SOBP: variants seen among roughly 807,000 people sequenced by gnomAD.
The protein encoded by SOBP is sine oculis-binding protein homolog.
Under a neutral mutation model 53.6 loss-of-function variants are expected in SOBP, and 4 were observed. That is an observed-to-expected ratio of 0.07 (90% CI 0.04 to 0.17). SOBP has a LOEUF of 0.17. SOBP is among the 10% of genes least tolerant of loss of function. The pLI, the probability that SOBP is intolerant of heterozygous loss-of-function variation, is 1.00. For missense variants in SOBP, 1,088 were observed against 1,204.7 expected (o/e 0.90, Z 1.43); for synonymous variants, 584 against 522.6 (o/e 1.12, Z -1.60).
At chr6:107,565,020 A>G (rs1322917707) in intron 4 of SOBP, among the ~76,000 whole-genome samples, 3 of 152,256 alleles carry the variant, frequency 2.0e-5, no homozygotes, top group Admixed American at 6.5e-5. Context: ...AGAGATGGCT[A>G]TTGAGAGCTG....
chr6:107,503,996 C>T (rs1782913269), intron 2 of SOBP, among the ~76,000 whole-genome samples: 2 of 152,212 alleles, frequency 1.3e-5, no homozygotes, highest in African/African-American at 4.8e-5. Context: ...AAAATAGACA[C>T]AGCTTAATCT....
intron 5 of SOBP, among the ~76,000 whole-genome samples, chr6:107,603,497 C>T (rs2115087978): frequency 6.6e-6 from 1 of 152,272 alleles, no homozygotes; most frequent in Non-Finnish European, 1.5e-5. Flanking sequence ...CTGTGGGTAG[C>T]AGGATGGAAC....
chr6:107,517,691 C>G (rs1783360545), intron 3 of SOBP, among the ~76,000 whole-genome samples: 2 of 152,170 alleles, frequency 1.3e-5, no homozygotes, highest in African/African-American at 4.8e-5. Context: ...TGTTGATTCT[C>G]TACTTCACAT....
intron 4 of SOBP, among the ~76,000 whole-genome samples, chr6:107,558,653 G>A (rs117337713): frequency 0.055 from 8,388 of 151,686 alleles, 320 homozygotes; most frequent in Middle Eastern, 0.15. Flanking sequence ...GAGGCAGGGA[G>A]GGTACAGGTA....
chr6:107,615,019 C>G (rs184208197), intron 5 of SOBP, among the ~76,000 whole-genome samples: 1 of 152,314 alleles, frequency 6.6e-6, no homozygotes, highest in Admixed American at 6.5e-5. Flanking sequence ...TGGCGTCTCT[C>G]TTTTTATGCT....
At chr6:107,536,169 T>C (rs1423891931) in intron 4 of SOBP, among the ~76,000 whole-genome samples, 1 of 152,218 alleles carries the variant, frequency 6.6e-6, no homozygotes, top group African/African-American at 2.4e-5. Context: ...AACTGTGCTG[T>C]AAATTATGCT....
chr6:107,576,619 G>A (rs1785233093), intron 4 of SOBP, among the ~76,000 whole-genome samples: 1 of 152,202 alleles, frequency 6.6e-6, no homozygotes, highest in African/African-American at 2.4e-5. Context: ...AGTGAGGGTG[G>A]TGAGCTGGGA....
At chr6:107,586,243 GAGC>G (rs1393800538) in intron 4 of SOBP, among the ~76,000 whole-genome samples, 2 of 152,228 alleles carry the variant, frequency 1.3e-5, no homozygotes, top group Non-Finnish European at 2.9e-5. Flanking sequence ...AGGAAAGAGA[GAGC>G]AGTTAGGGCT....
chr6:107,497,054 C>T (rs576091665), intron 1 of SOBP, among the ~76,000 whole-genome samples: 1 of 152,234 alleles, frequency 6.6e-6, no homozygotes, highest in South Asian at 2.1e-4. Flanking sequence ...AGGCTTCTGC[C>T]TGTCTTCTGC....
At chr6:107,561,413 C>T (rs1186660920) in intron 4 of SOBP, among the ~76,000 whole-genome samples, 1 of 152,162 alleles carries the variant, frequency 6.6e-6, no homozygotes, top group Non-Finnish European at 1.5e-5. Context: ...GAATTATTTT[C>T]CATAGCCTTT....
chr6:107,562,256 T>A (rs1784793798), intron 4 of SOBP, among the ~76,000 whole-genome samples: 1 of 152,096 alleles, frequency 6.6e-6, no homozygotes. Context: ...TAATCTCAAG[T>A]GATCTGCCCT....
chr6:107,577,342 G>A (rs548820744), intron 4 of SOBP, among the ~76,000 whole-genome samples: 1 of 152,214 alleles, frequency 6.6e-6, no homozygotes, highest in South Asian at 2.1e-4. Flanking sequence ...AGTGGAGGGT[G>A]TTGTGGACAG....
intron 6 of SOBP, among the ~76,000 whole-genome samples, chr6:107,644,178 G>T (rs1184330462): frequency 6.6e-6 from 1 of 152,134 alleles, no homozygotes; most frequent in Non-Finnish European, 1.5e-5. Flanking sequence ...ATGGCGCATG[G>T]CTGTAGTCCC....
intron 1 of SOBP, among the ~76,000 whole-genome samples, chr6:107,491,716 C>T (rs758021491): frequency 7.9e-5 from 12 of 152,156 alleles, no homozygotes; most frequent in Non-Finnish European, 8.8e-5. Flanking sequence ...AGCAGGTTTG[C>T]ATTTTGCGGT....
chr6:107,638,468 C>T (rs1005915687), intron 6 of SOBP, among the ~76,000 whole-genome samples: 1 of 152,182 alleles, frequency 6.6e-6, no homozygotes, highest in African/African-American at 2.4e-5. Flanking sequence ...ACCTCGGCCT[C>T]CCAAAGTGCT....
intron 3 of SOBP, among the ~76,000 whole-genome samples, chr6:107,507,907 G>A (rs562006503): frequency 2.6e-5 from 4 of 152,178 alleles, no homozygotes; most frequent in African/African-American, 9.6e-5. Flanking sequence ...AACGGGCTGA[G>A]CATTATGTGA....
chr6:107,634,535 C>G lies in SOBP; in HGVS notation c.1691C>G (p.Pro564Arg). The G allele has an allele frequency of 1.2e-6, 2 of 1,610,274 alleles. No individual in the cohort carries two copies. Among genetic ancestry groups the G allele is most frequent in the Non-Finnish European group, 1.7e-6 (2 of 1,179,870 alleles). ...TCCAGCAACGGGGAGAACTTCATTC[C>G]GAACGCCCCTGGCGACTCCGCGGCG... ...GFSSNGENFI[P>R]NAPGDSAAAG... Residue 564 changes from proline to arginine, a missense_variant, in exon 6 of 7, where the codon CCG (proline) becomes CGG (arginine). Physicochemically the swap from Pro to Arg is moderately radical, Grantham distance 103 (BLOSUM62 -2). Around this residue, in one of 6 missense-constraint regions of SOBP, gnomAD observed 665 missense variants for 629.7 expected, o/e 1.06. Coordinates refer to ENST00000317357, the MANE Select transcript of SOBP (RefSeq NM_018013.4). The surrounding 1 kb of genome is among the most constrained non-coding windows in gnomAD (Gnocchi z 4.5).
At chr6:107,590,689 C>T (rs1375354115) in intron 5 of SOBP, among the ~76,000 whole-genome samples, 2 of 152,110 alleles carry the variant, frequency 1.3e-5, no homozygotes, top group Non-Finnish European at 2.9e-5. Flanking sequence ...ACTTACAATG[C>T]CTGTGTAGGG....
At chr6:107,604,803 C>T (rs1335901495) in intron 5 of SOBP, among the ~76,000 whole-genome samples, 6 of 152,124 alleles carry the variant, frequency 3.9e-5, no homozygotes, top group Non-Finnish European at 8.8e-5. Context: ...TTGGAGCCTC[C>T]GAATCTCTCA....
Sources: gnomAD v4.1 joint callset for allele counts (sites outside exome capture counted in the v4.1 genomes callset) on GRCh38, gnomAD v4.1.1 for gene constraint, gnomAD v4.1.1 regional missense constraint, Gnocchi (gnomAD v3.1) non-coding constraint, MANE v1.5 for transcripts, NCBI Gene and HGNC (gene_info 2026-07-23, HGNC 2026-07-21) for gene names.